COL24A1: variants seen among roughly 807,000 people sequenced by gnomAD.
COL24A1 encodes the protein collagen type XXIV alpha 1 chain.
A neutral mutation model predicts 253.9 loss-of-function variants in COL24A1; 224 were observed. The ratio of observed to expected loss-of-function variants is 0.88; its 90% confidence interval spans 0.79 to 0.99. The LOEUF is 0.99. Ranked by LOEUF, COL24A1 falls within the 50% of genes least tolerant of loss-of-function variation. The pLI, the probability that COL24A1 is intolerant of heterozygous loss-of-function variation, is 0.00. For missense variants in COL24A1, 2,131 were observed against 2,068.5 expected, an observed-to-expected ratio of 1.03 and a Z score of -0.59; for synonymous variants, 685 against 673.7, an observed-to-expected ratio of 1.02 and a Z score of -0.26.
At chr1:86,067,899 T>A (rs1392684017) in intron 7 of COL24A1, among the ~76,000 whole-genome samples, 1 of 152,310 alleles carries the variant, frequency 6.6e-6, no homozygotes, top group Admixed American at 6.5e-5. Flanking sequence ...AACAAAAAAG[T>A]TTCCATAACT....
In COL24A1 at chr1:85,901,824, C is replaced by CAAAAAAA. The variant is rs55862441; in HGVS notation, c.2778+5363_2778+5369dup. On this transcript the variant is annotated intron_variant, in intron 28 of 59. Coordinates refer to ENST00000370571, the MANE Select transcript of COL24A1 (RefSeq NM_152890.7). ...GAGACAACAGGATGAGACTCCGTCT[C>CAAAAAAA]AAAAAAAAAAAAAAAAAAAAAAAAA... is the stretch of plus-strand genomic sequence containing the variant. 1.9e-3 allele frequency among the ~76,000 whole-genome samples: 109 copies of CAAAAAAA among 57,742 alleles called. 5 individuals are homozygous for CAAAAAAA. The highest frequency in any genetic ancestry group is 6.4e-3 in the East Asian group (10 of 1,558). 37.9% of individuals were successfully genotyped at this position (57,742 alleles called of 152,430 possible).
intron 7 of COL24A1, among the ~76,000 whole-genome samples, chr1:86,074,287 T>TA (rs1337126558): frequency 7.8e-6 from 1 of 128,592 alleles, no homozygotes; most frequent in Admixed American, 7.6e-5. Flanking sequence ...GCAAATGAAA[T>TA]CAAAAAAGGA....
At chr1:85,842,032 T>A in intron 41 of COL24A1, 36 bp downstream of exon 41, 1 of 1,569,898 alleles carries the variant, frequency 6.4e-7, no homozygotes, top group Non-Finnish European at 8.8e-7. Context: ...ACTCAATGTT[T>A]AACTTTAAGA....
chr1:86,131,394 G>A (rs577992216), intron 2 of COL24A1, among the ~76,000 whole-genome samples: 1 of 151,800 alleles, frequency 6.6e-6, no homozygotes, highest in East Asian at 1.9e-4. Flanking sequence ...TTAAGTTTTA[G>A]GGTACATGTG....
chr1:85,962,038 A>G (rs1043926976), intron 23 of COL24A1, among the ~76,000 whole-genome samples: 4 of 152,208 alleles, frequency 2.6e-5, no homozygotes, highest in African/African-American at 9.7e-5. Flanking sequence ...AAATTTTTAA[A>G]AATAAAATCT....
At chr1:85,986,374 C>T (rs930923760) in intron 20 of COL24A1, among the ~76,000 whole-genome samples, 36 of 151,768 alleles carry the variant, frequency 2.4e-4, no homozygotes, top group African/African-American at 8.7e-4. Flanking sequence ...ATCCTCCAAA[C>T]TGACATAAGA....
chr1:85,906,264 C>CTTTTTTTTTTTTTTT (rs10526604), intron 28 of COL24A1, among the ~76,000 whole-genome samples: 22,126 of 76,892 alleles, frequency 0.29, 6,598 homozygotes, highest in African/African-American at 0.37. Flanking sequence ...ACTGCAAGGT[C>CTTTTTTTTTTTTTTT]TTTTTTTTTT....
intron 37 of COL24A1, among the ~76,000 whole-genome samples, chr1:85,855,382 T>A (rs896105716): frequency 1.3e-5 from 2 of 152,218 alleles, no homozygotes; most frequent in African/African-American, 4.8e-5. Context: ...TTTTGAGGTA[T>A]GTACTTTCAA....
intron 5 of COL24A1, among the ~76,000 whole-genome samples, chr1:86,092,619 T>C (rs926365095): frequency 2.6e-5 from 4 of 151,952 alleles, no homozygotes; most frequent in African/African-American, 9.7e-5. Flanking sequence ...GATTTATTAT[T>C]TTTTCCATTT....
chr1:86,068,534 G>A (rs1327068999), intron 7 of COL24A1, among the ~76,000 whole-genome samples: 2 of 152,154 alleles, frequency 1.3e-5, no homozygotes, highest in African/African-American at 4.8e-5. Context: ...AACTTCAAAG[G>A]CTGTCTAGGA....
chr1:86,108,620 TAAAAAAAAAAAAAAAAAA>T lies in COL24A1; in HGVS notation c.1599+3929_1599+3946del, dbSNP rs55852463. ...GAAAATGGAGAAACCCCATCTCTAC[TAAAAAAAAAAAAAAAAAA>T]AAAAAAAAAAAATTTTAAATTAGCC... On this transcript the variant is annotated intron_variant, in intron 5 of 59. Coordinates refer to ENST00000370571, the MANE Select transcript of COL24A1 (RefSeq NM_152890.7). Among the ~76,000 whole-genome samples, 19 of 83,098 alleles carry T rather than the reference TAAAAAAAAAAAAAAAAAA, an allele frequency of 2.3e-4. 2 individuals are homozygous for T. The highest frequency in any genetic ancestry group is 1.1e-3 in the Admixed American group (8 of 6,974). 54.5% of individuals were successfully genotyped at this position (83,098 alleles called of 152,430 possible). A position where few individuals can be genotyped will look rare whatever the true frequency, so the allele number is the denominator to read the frequency against.
intron 24 of COL24A1, among the ~76,000 whole-genome samples, chr1:85,923,658 C>A (rs1686816581): frequency 6.6e-6 from 1 of 152,132 alleles, no homozygotes; most frequent in African/African-American, 2.4e-5. Context: ...ATCTCTGGGA[C>A]ATATTAAAAG....
chr1:85,993,500 C>T (rs1694492814), intron 19 of COL24A1, among the ~76,000 whole-genome samples: 1 of 149,356 alleles, frequency 6.7e-6, no homozygotes, highest in Non-Finnish European at 1.5e-5. Context: ...TTAGAAAATT[C>T]CAATTAATCT....
intron 39 of COL24A1, among the ~76,000 whole-genome samples, chr1:85,845,705 G>T (rs930848218): frequency 6.6e-6 from 1 of 151,410 alleles, no homozygotes; most frequent in African/African-American, 2.4e-5. Context: ...TGATGTAACA[G>T]AAAAAGGATT....
intron 24 of COL24A1, among the ~76,000 whole-genome samples, chr1:85,926,957 C>G (rs1249383969): frequency 6.6e-6 from 1 of 152,146 alleles, no homozygotes; most frequent in Non-Finnish European, 1.5e-5. Flanking sequence ...AACATTAAGA[C>G]AAATTCATAG....
intron 47 of COL24A1, among the ~76,000 whole-genome samples, chr1:85,794,408 T>C (rs974873902): frequency 1.3e-5 from 2 of 152,150 alleles, no homozygotes; most frequent in African/African-American, 2.4e-5. Context: ...CTGAGAATAA[T>C]AAGGAGCACA....
chr1:85,893,049 C>G (rs1279838572), intron 31 of COL24A1, among the ~76,000 whole-genome samples: 4 of 151,956 alleles, frequency 2.6e-5, no homozygotes, highest in Non-Finnish European at 4.4e-5. Flanking sequence ...AACAAATGCT[C>G]AAATTAAAAG....
At chr1:85,833,510 T>C (rs1358190488) in intron 43 of COL24A1, among the ~76,000 whole-genome samples, 1 of 152,186 alleles carries the variant, frequency 6.6e-6, no homozygotes, top group East Asian at 1.9e-4. Context: ...ACTTTTACAC[T>C]GTTGGTGGGA....
intron 3 of COL24A1, among the ~76,000 whole-genome samples, chr1:86,116,271 A>G (rs867453063): frequency 6.6e-6 from 1 of 152,218 alleles, no homozygotes; most frequent in Non-Finnish European, 1.5e-5. Context: ...TTATTGCAGT[A>G]AAAATAGTAC....
Sources: allele counts gnomAD v4.1 joint callset (sites outside exome capture counted in the v4.1 genomes callset), GRCh38; gene constraint gnomAD v4.1.1; transcripts MANE v1.5; gene names NCBI Gene and HGNC (gene_info 2026-07-23, HGNC 2026-07-21).